FAT3: variants seen among roughly 807,000 people sequenced by gnomAD.
The protein encoded by FAT3 is FAT atypical cadherin 3, also known as protocadherin Fat 3.
Under a neutral mutation model 310.2 loss-of-function variants are expected in FAT3, and 95 were observed. That is an observed-to-expected ratio of 0.31 (90% confidence interval 0.26 to 0.36). The LOEUF is 0.36. Among genes scored for constraint, FAT3 ranks in the 10% least tolerant of loss-of-function variants. FAT3 has a pLI of 1.00. For missense variants in FAT3, 5,408 were observed against 5,715.6 expected, an observed-to-expected ratio of 0.95 and a Z score of 1.74; for synonymous variants, 2,314 against 2,192.9, an observed-to-expected ratio of 1.06 and a Z score of -1.54.
In FAT3 at chr11:92,892,595, T is replaced by A. The variant is rs1038733208; in HGVS notation, c.*1482T>A. 2 of 152,124 alleles carry A rather than the reference T, an allele frequency of 1.3e-5. No individual in the cohort carries two copies. The highest frequency in any genetic ancestry group is 2.9e-5 in the Non-Finnish European group (2 of 68,054). The allele number at this position is 152,124 out of a possible 1,614,324, so 9.4% of individuals were successfully genotyped here. A position where few individuals can be genotyped will look rare whatever the true frequency, so the allele number is the denominator to read the frequency against. ...CCTGGCTAATTTTTTGTATTTTTAG[T>A]AGAGATGGGGTTTCACCATGTTGGC... On this transcript the variant is annotated 3_prime_UTR_variant, in exon 28 of 28. Transcript: ENST00000525166.
chr11:92,657,552 T>A (rs148775329), intron 3 of FAT3, among the ~76,000 whole-genome samples: 1 of 152,202 alleles, frequency 6.6e-6, no homozygotes, highest in African/African-American at 2.4e-5. Context: ...TCTTTACTTT[T>A]ACAAATGATG....
intron 1 of FAT3, among the ~76,000 whole-genome samples, chr11:92,251,276 C>T (rs796081619): frequency 7.2e-5 from 11 of 152,256 alleles, no homozygotes; most frequent in African/African-American, 2.4e-4. Flanking sequence ...GAGGTTACCT[C>T]ACTTGTTGGT....
At chr11:92,465,098 G>T (rs1017263341) in intron 2 of FAT3, among the ~76,000 whole-genome samples, 1 of 152,118 alleles carries the variant, frequency 6.6e-6, no homozygotes, top group Non-Finnish European at 1.5e-5. Context: ...ATGCAGTTAG[G>T]GTAACTAATA....
At chr11:92,447,702 G>A (rs569610094) in intron 2 of FAT3, among the ~76,000 whole-genome samples, 2 of 152,156 alleles carry the variant, frequency 1.3e-5, no homozygotes, top group East Asian at 3.9e-4. Flanking sequence ...CCTGATGTGA[G>A]CAAGACCACC....
chr11:92,605,496 G>T (rs1223734401), intron 3 of FAT3, among the ~76,000 whole-genome samples: 1 of 152,084 alleles, frequency 6.6e-6, no homozygotes, highest in African/African-American at 2.4e-5. Context: ...TGGGGAAAAG[G>T]TCCTTATATA....
chr11:92,889,981 G>A (rs1834688563), intron 27 of FAT3, 90 bp downstream of exon 27: 4 of 717,134 alleles, frequency 5.6e-6, no homozygotes, highest in Non-Finnish European at 7.8e-6. Flanking sequence ...CCTCTGCCCT[G>A]ATCTGAATTT....
At chr11:92,775,284 G>A in intron 7 of FAT3, among the ~76,000 whole-genome samples, 1 of 152,204 alleles carries the variant, frequency 6.6e-6, no homozygotes, top group East Asian at 1.9e-4. Flanking sequence ...TTATAAAGGA[G>A]AGAGGATGAA....
intron 1 of FAT3, among the ~76,000 whole-genome samples, chr11:92,229,117 T>C (rs12797248): frequency 0.2 from 29,895 of 152,140 alleles, 3,657 homozygotes; most frequent in South Asian, 0.38. Context: ...TAGCAGAGCC[T>C]CTGATTTCTA....
chr11:92,402,801 C>G (rs539010649), intron 2 of FAT3, among the ~76,000 whole-genome samples: 1 of 149,504 alleles, frequency 6.7e-6, no homozygotes, highest in African/African-American at 2.5e-5. Flanking sequence ...AACCATAAGT[C>G]CAAGAAGCTC....
chr11:92,285,854 T>C (rs1946549350), intron 1 of FAT3, among the ~76,000 whole-genome samples: 1 of 152,114 alleles, frequency 6.6e-6, no homozygotes, highest in South Asian at 2.1e-4. Context: ...GAAATGGCAA[T>C]GTGGCTTATT....
chr11:92,877,382 G>A (rs1383027233), intron 22 of FAT3, among the ~76,000 whole-genome samples: 1 of 152,150 alleles, frequency 6.6e-6, no homozygotes, highest in African/African-American at 2.4e-5. Context: ...CCAGGCAATT[G>A]TTCCCCCAAT....
In FAT3 at chr11:92,578,825, A is replaced by G. The variant is rs1938628900; in HGVS notation, c.3607+53877A>G. On this transcript the variant is annotated intron_variant, in intron 3 of 27. Coordinates refer to ENST00000525166, the MANE Select transcript of FAT3 (RefSeq NM_001367949.2). ...TGAGAGAAGCTTTATGGTCTTTGCA[A>G]GAAAAGTACATGGCAAAATAACATT... Among the ~76,000 whole-genome samples, 3 of 152,140 alleles carry G rather than the reference A, an allele frequency of 2.0e-5. No individual in the cohort carries two copies. The South Asian group carries it at 6.2e-4, about 32-fold the overall frequency.
chr11:92,607,609 G>A (rs1336444678), intron 3 of FAT3, among the ~76,000 whole-genome samples: 1 of 152,104 alleles, frequency 6.6e-6, no homozygotes, highest in Non-Finnish European at 1.5e-5. Context: ...TAACCAAGTA[G>A]AACTATACTT....
intron 25 of FAT3, among the ~76,000 whole-genome samples, chr11:92,888,685 G>A (rs552801825): frequency 2.1e-4 from 32 of 152,184 alleles, no homozygotes; most frequent in African/African-American, 4.1e-4. Flanking sequence ...GCCTTGGGTC[G>A]TTCTGGGCTG....
chr11:92,342,212 T>G (rs1411061208), intron 1 of FAT3, among the ~76,000 whole-genome samples: 1 of 152,218 alleles, frequency 6.6e-6, no homozygotes, highest in Non-Finnish European at 1.5e-5. Context: ...ACATCTTTTC[T>G]TGGCGTTTCC....
rs367774479 is a variant in FAT3 at position 92,524,961 on chromosome 11, T to G, written c.3607+13T>G. 44 of 1,603,072 alleles carry G rather than the reference T, an allele frequency of 2.7e-5. No homozygotes were observed. In the African/African-American group the frequency reaches 4.7e-4, roughly 17 times the overall value. On this transcript the variant is annotated intron_variant, in intron 3 of 27. Transcript: ENST00000525166. ...AATATCAAAACAGGTAAGGGAATGC[T>G]TATATGACTTCTTTTTAGTTTGTAG... is the stretch of plus-strand genomic sequence containing the variant.
intron 3 of FAT3, among the ~76,000 whole-genome samples, chr11:92,572,627 A>G (rs956458256): frequency 2.6e-5 from 4 of 152,168 alleles, no homozygotes; most frequent in Non-Finnish European, 5.9e-5. Flanking sequence ...CAAATTAACA[A>G]TCTCACAGGA....
intron 3 of FAT3, among the ~76,000 whole-genome samples, chr11:92,605,973 A>G (rs1306956387): frequency 6.6e-6 from 1 of 152,126 alleles, no homozygotes; most frequent in Admixed American, 6.5e-5. Context: ...TTCAGTGAGC[A>G]CAGAATGTCA....
intron 2 of FAT3, among the ~76,000 whole-genome samples, chr11:92,495,455 G>T (rs186784820): frequency 3.0e-4 from 46 of 152,170 alleles, no homozygotes; most frequent in Admixed American, 2.4e-3. Flanking sequence ...AACAATTGAA[G>T]ATATTTTTCA....
Sources: gnomAD v4.1 joint callset for allele counts (sites outside exome capture counted in the v4.1 genomes callset) on GRCh38, gnomAD v4.1.1 for gene constraint, MANE v1.5 for transcripts, NCBI Gene and HGNC (gene_info 2026-07-23, HGNC 2026-07-21) for gene names.